Variants in RNF187 observed in about 807,000 individuals in gnomAD.
The protein encoded by RNF187 is E3 ubiquitin-protein ligase RNF187.
A neutral mutation model predicts 22.2 loss-of-function variants in RNF187; 18 were observed. The observed-to-expected ratio is 0.81, with a 90% CI of 0.56 to 1.20. The LOEUF is 1.20. Among genes scored for constraint, RNF187 ranks in the 50% most tolerant of loss-of-function variants. RNF187 has a pLI of 0.00. For missense variants in RNF187, 329 were observed against 317.6 expected, an observed-to-expected ratio of 1.04 and a Z score of -0.27; for synonymous variants, 164 against 140.9, an observed-to-expected ratio of 1.16 and a Z score of -1.16.
chr1:228,488,943 CCTT>C lies in RNF187; in HGVS notation c.391-13_391-11del. ...CAGAGCTTCTGCCCACCCCTGGTGA[CCTT>C]CTTTTCTTTACAGGAGAACAAGGGG... On this transcript the variant is annotated splice_polypyrimidine_tract_variant and intron_variant, in intron 1 of 3. Coordinates refer to ENST00000305943, the MANE Select transcript of RNF187 (RefSeq NM_001010858.3). The C allele has an allele frequency of 1.9e-4, 289 of 1,548,236 alleles. No individual in the cohort carries two copies. The highest frequency in any genetic ancestry group is 3.1e-4 in the Admixed American group (16 of 50,974).
Position 228,494,314 on chromosome 1 carries a change from C to A in RNF187, c.*429C>A. The A allele has an allele frequency of 9.2e-7, 1 of 1,084,986 alleles. No homozygotes were observed. Among genetic ancestry groups the A allele is most frequent in the Non-Finnish European group, 1.1e-6 (1 of 888,298 alleles). The allele number at this position is 1,084,986 out of a possible 1,614,324, so 67.2% of individuals were successfully genotyped here. On this transcript the variant is annotated 3_prime_UTR_variant, in exon 4 of 4. Transcript: ENST00000305943. ...TGAGTGTCGGATTTGGGGTTAGCATCCAGAAAGAAGAATGCGCATGACGCT... is the reference window on the plus strand; with the variant it reads ...TGAGTGTCGGATTTGGGGTTAGCATACAGAAAGAAGAATGCGCATGACGCT...
In RNF187 at chr1:228,495,733, A is replaced by G; in HGVS notation, c.*1848A>G. ...ACCCTGTCAATCACAACCTCTTTCTATTTAAGAAAATTATATATTTATGGG... is the reference window on the plus strand; with the variant it reads ...ACCCTGTCAATCACAACCTCTTTCTGTTTAAGAAAATTATATATTTATGGG... On this transcript the variant is annotated 3_prime_UTR_variant, in exon 4 of 4. Coordinates refer to ENST00000305943, the MANE Select transcript of RNF187 (RefSeq NM_001010858.3). The G allele has an allele frequency of 5.0e-5, 49 of 985,206 alleles. No homozygotes were observed. Among genetic ancestry groups the G allele is most frequent in the Admixed American group, 6.1e-5 (1 of 16,272 alleles). 61.0% of individuals were successfully genotyped at this position (985,206 alleles called of 1,614,324 possible).
chr1:228,494,402 C>T lies in RNF187; in HGVS notation c.*517C>T. On this transcript the variant is annotated 3_prime_UTR_variant, in exon 4 of 4. Transcript: ENST00000305943. The stretch of plus-strand genomic sequence containing the variant: ...GGAAGACTGGATTGCACCTTGATGC[C>T]TCCTGAGGAGGCGGCCCCCCTCTTG... 4 of 1,003,160 alleles carry T rather than the reference C, an allele frequency of 4.0e-6. No individual in the cohort carries two copies. Among genetic ancestry groups the T allele is most frequent in the Non-Finnish European group, 4.8e-6 (4 of 839,842 alleles). 62.1% of individuals were successfully genotyped at this position (1,003,160 alleles called of 1,614,324 possible). A position where few individuals can be genotyped will look rare whatever the true frequency, so the allele number is the denominator to read the frequency against.
Position 228,494,250 on chromosome 1 carries a change from G to T in RNF187, c.*365G>T. On this transcript the variant is annotated 3_prime_UTR_variant, in exon 4 of 4. Coordinates refer to ENST00000305943, the MANE Select transcript of RNF187 (RefSeq NM_001010858.3). ...GACCCAGACCCTGCACCTTCCATGTGGGCCCACAGATCCTTGGCAGGTACC... is the reference window on the plus strand; with the variant it reads ...GACCCAGACCCTGCACCTTCCATGTTGGCCCACAGATCCTTGGCAGGTACC... 2.4e-6 allele frequency: 3 copies of T among 1,230,518 alleles called. No homozygotes were observed. Among genetic ancestry groups the T allele is most frequent in the Non-Finnish European group, 3.1e-6 (3 of 974,388 alleles). The allele number at this position is 1,230,518 out of a possible 1,614,324, so 76.2% of individuals were successfully genotyped here.
chr1:228,488,568 C>A, intron 1 of RNF187: 2 of 175,134 alleles, frequency 1.1e-5, no homozygotes, highest in African/African-American at 4.8e-5. Context: ...GCCAGCCAGA[C>A]TGTGTCCCTG....
Position 228,490,234 on chromosome 1 carries a change from T to A in RNF187, c.483+1182T>A. On this transcript the variant is annotated intron_variant, in intron 2 of 3. Transcript: ENST00000305943. Reference sequence around the variant, plus strand: ...GAGGTGGGCTCTGTGCTCCTGGTGCTGCCAAGCCCTTGCCTGCTATCCACA... The same window carrying A: ...GAGGTGGGCTCTGTGCTCCTGGTGCAGCCAAGCCCTTGCCTGCTATCCACA... Among the ~76,000 whole-genome samples the A allele has an allele frequency of 2.5e-3, 388 of 152,322 alleles. 2 individuals are homozygous for A. The highest frequency in any genetic ancestry group is 0.02 in the Middle Eastern group (6 of 294).
In RNF187 at chr1:228,493,367, T is replaced by C; in HGVS notation, c.705+93T>C. ...GGGGACCATTGCCCGAAGTCAAGGCTTAAAAGCCCAGCCTGACTCCCACTG... is the reference window on the plus strand; with the variant it reads ...GGGGACCATTGCCCGAAGTCAAGGCCTAAAAGCCCAGCCTGACTCCCACTG... On this transcript the variant is annotated intron_variant, in intron 3 of 3. Transcript: ENST00000305943. This position sits in a 1 kb window ranked among gnomAD's most constrained non-coding sequence, Gnocchi z 4.7. The C allele has an allele frequency of 6.8e-7, 1 of 1,473,890 alleles. No individual in the cohort carries two copies. The highest frequency in any genetic ancestry group is 9.0e-7 in the Non-Finnish European group (1 of 1,109,120). The allele number at this position is 1,473,890 out of a possible 1,614,324, so 91.3% of individuals were successfully genotyped here. A position where few individuals can be genotyped will look rare whatever the true frequency, so the allele number is the denominator to read the frequency against.
chr1:228,493,865 C>T lies in RNF187; in HGVS notation c.706-18C>T. 6.4e-7 allele frequency: 1 copy of T among 1,551,620 alleles called. No individual in the cohort carries two copies. The highest frequency in any genetic ancestry group is 8.7e-7 in the Non-Finnish European group (1 of 1,146,860). Reference sequence around the variant, plus strand: ...TCTCTTTTTGTCTCTCTGTCTTTCCCTCTCCCCTCCCATGCAGTGATGGCG... The same window carrying T: ...TCTCTTTTTGTCTCTCTGTCTTTCCTTCTCCCCTCCCATGCAGTGATGGCG... On this transcript the variant is annotated intron_variant, in intron 3 of 3. Transcript: ENST00000305943. This position sits in a 1 kb window ranked among gnomAD's most constrained non-coding sequence, Gnocchi z 4.7.
chr1:228,493,972 G>A lies in RNF187; in HGVS notation c.*87G>A. The stretch of plus-strand genomic sequence containing the variant: ...GAAGTGTCAGCGTGTGGCTGCCAGG[G>A]AAGCGTGGCAGGCGCCTGGCCTTGG... On this transcript the variant is annotated 3_prime_UTR_variant, in exon 4 of 4. Transcript: ENST00000305943. The surrounding 1 kb of genome is among the most constrained non-coding windows in gnomAD (Gnocchi z 4.7). The A allele has an allele frequency of 1.3e-6, 2 of 1,551,488 alleles. No individual in the cohort carries two copies. Among genetic ancestry groups the A allele is most frequent in the Non-Finnish European group, 1.7e-6 (2 of 1,146,964 alleles).
In RNF187 at chr1:228,494,302, TG is replaced by T; in HGVS notation, c.*421del. Reference sequence around the variant, plus strand: ...GAGGTGCACCATTGAGTGTCGGATTTGGGGTTAGCATCCAGAAAGAAGAATG... The same window carrying T: ...GAGGTGCACCATTGAGTGTCGGATTTGGGTTAGCATCCAGAAAGAAGAATG... On this transcript the variant is annotated 3_prime_UTR_variant, in exon 4 of 4. Coordinates refer to ENST00000305943, the MANE Select transcript of RNF187 (RefSeq NM_001010858.3). The T allele has an allele frequency of 9.1e-7, 1 of 1,101,384 alleles. No homozygotes were observed. The highest frequency in any genetic ancestry group is 1.1e-6 in the Non-Finnish European group (1 of 898,090). The allele number at this position is 1,101,384 out of a possible 1,614,324, so 68.2% of individuals were successfully genotyped here.
In RNF187 at chr1:228,495,820, CAT is replaced by C; in HGVS notation, c.*1936_*1937del. The stretch of plus-strand genomic sequence containing the variant: ...GAGTGACAGATTAATGTATCCATCT[CAT>C]GTTTTTTTTGGTGGTGAGAATATTT... On this transcript the variant is annotated 3_prime_UTR_variant, in exon 4 of 4. Transcript: ENST00000305943. The C allele has an allele frequency of 4.5e-6, 4 of 889,060 alleles. No homozygotes were observed. Among genetic ancestry groups the C allele is most frequent in the African/African-American group, 3.6e-5 (2 of 55,108 alleles). The allele number at this position is 889,060 out of a possible 1,614,324, so 55.1% of individuals were successfully genotyped here.
At chr1:228,491,410 TAAAG>T in intron 2 of RNF187, among the ~76,000 whole-genome samples, 20 of 88,572 alleles carry the variant, frequency 2.3e-4, no homozygotes, top group Admixed American at 1.2e-3. Context: ...AAAAAAAAAA[TAAAG>T]GGAGATGGGT....
At position 228,487,827 on chromosome 1, in the gene RNF187, C is replaced by A; in HGVS notation, c.339C>A (p.Gly113=). 8.2e-7 allele frequency: 1 copy of A among 1,215,718 alleles called. No individual in the cohort carries two copies. Among genetic ancestry groups the A allele is most frequent in the Non-Finnish European group, 1.0e-6 (1 of 972,364 alleles). 75.3% of individuals were successfully genotyped at this position (1,215,718 alleles called of 1,614,324 possible). Residue 113 remains glycine (G), a synonymous_variant, in exon 1 of 4, where the codon GGC becomes GGA. Transcript: ENST00000305943. ...GCGCCGCCTGCCGTATGGCTGCGGG[C>A]CCCGAGCCGCCCGAGTGGGAACCGC...
chr1:228,492,618 CTTTTTTTT>C, intron 2 of RNF187, among the ~76,000 whole-genome samples: 798 of 62,140 alleles, frequency 0.013, 9 homozygotes, highest in African/African-American at 0.061. Context: ...CCGTGCCTGG[CTTTTTTTT>C]TTTTTTTTTT....
chr1:228,489,068 T>G lies in RNF187; in HGVS notation c.483+16T>G. ...AGTGTGGAAGGCAAGTGGGGGGACC[T>G]GGGGCAGCCTGGAATGAGGGGACTG... On this transcript the variant is annotated intron_variant, in intron 2 of 3. Coordinates refer to ENST00000305943, the MANE Select transcript of RNF187 (RefSeq NM_001010858.3). The G allele has an allele frequency of 3.2e-6, 5 of 1,538,876 alleles. No homozygotes were observed. The highest frequency in any genetic ancestry group is 4.4e-6 in the Non-Finnish European group (5 of 1,142,690).
Position 228,496,146 on chromosome 1 carries a change from C to T in RNF187, c.*2261C>T. On this transcript the variant is annotated 3_prime_UTR_variant, in exon 4 of 4. Transcript: ENST00000305943. The stretch of plus-strand genomic sequence containing the variant: ...TCTTGTCTCAGCCCCTGCTAACCAC[C>T]GTTCTACTCTCTAATTCTATAAATC... Among the ~76,000 whole-genome samples, 5 of 152,334 alleles carry T rather than the reference C, an allele frequency of 3.3e-5. No homozygotes were observed. Among genetic ancestry groups the T allele is most frequent in the South Asian group, 2.1e-4 (1 of 4,826 alleles).
chr1:228,489,113 A>G, intron 2 of RNF187, 61 bp downstream of exon 2: 1 of 1,416,696 alleles, frequency 7.1e-7, no homozygotes, highest in South Asian at 1.2e-5. Context: ...GGCTCTAGAC[A>G]AAGGGACCAC....
At chr1:228,491,803 A>G in intron 2 of RNF187, among the ~76,000 whole-genome samples, 1 of 152,098 alleles carries the variant, frequency 6.6e-6, no homozygotes, top group African/African-American at 2.4e-5. Flanking sequence ...ATGAAGACTC[A>G]AAGTGGCAAA....
Position 228,495,628 on chromosome 1 carries a change from A to C in RNF187, c.*1743A>C. 1 of 985,560 alleles carries C rather than the reference A, an allele frequency of 1.0e-6. No homozygotes were observed. The allele number at this position is 985,560 out of a possible 1,614,324, so 61.1% of individuals were successfully genotyped here. The stretch of plus-strand genomic sequence containing the variant: ...ACAGGTCCTGATGGCAGAGTCTCCC[A>C]CAACATCAGTGTCTCCACATCACCA... On this transcript the variant is annotated 3_prime_UTR_variant, in exon 4 of 4. Transcript: ENST00000305943.
Sources: gnomAD v4.1 joint callset for allele counts (sites outside exome capture counted in the v4.1 genomes callset) on GRCh38, gnomAD v4.1.1 for gene constraint, Gnocchi (gnomAD v3.1) non-coding constraint, MANE v1.5 for transcripts, NCBI Gene and HGNC (gene_info 2026-07-23, HGNC 2026-07-21) for gene names.